The following DLGAP2 variants were observed in gnomAD, a reference collection of about 807,000 sequenced individuals.
DLGAP2 encodes DLG associated protein 2.
A neutral mutation model predicts 100.3 loss-of-function variants in DLGAP2; 26 were observed. The observed-to-expected ratio is 0.26, with a 90% CI of 0.19 to 0.36. The LOEUF (loss-of-function observed/expected upper bound fraction) is 0.36. Ranked by LOEUF, DLGAP2 falls within the 10% of genes least tolerant of loss-of-function variation. The pLI is 1.00. For missense variants in DLGAP2, 1,858 were observed against 1,453.2 expected, an observed-to-expected ratio of 1.28 and a Z score of -4.53; for synonymous variants, 886 against 630.1, an observed-to-expected ratio of 1.41 and a Z score of -6.08.
chr8:1,444,575 A>G (rs13262551), intron 3 of DLGAP2, among the ~76,000 whole-genome samples: 15,995 of 151,936 alleles, frequency 0.11, 1,227 homozygotes, highest in Non-Finnish European at 0.17. Flanking sequence ...CACATTGACA[A>G]TGCTCCGTGA....
At position 1,097,511 on chromosome 8, in the gene DLGAP2, GT is replaced by G. The variant is rs1229300522; in HGVS notation, c.74-161339del. Among the ~76,000 whole-genome samples, 12 of 134,178 alleles carry G rather than the reference GT, an allele frequency of 8.9e-5. 1 individual carries two copies. Among genetic ancestry groups the G allele is most frequent in the Admixed American group, 7.5e-5 (1 of 13,272 alleles). The allele number at this position is 134,178 out of a possible 152,430, so 88.0% of individuals were successfully genotyped here. On this transcript the variant is annotated intron_variant, in intron 2 of 14. Transcript: ENST00000637795. Reference sequence around the variant, plus strand: ...CCTTCACCCTCTGTGGCATGGAGAGGTCCCCTCCAGCGTGAGACCCACCTCC... The same window carrying G: ...CCTTCACCCTCTGTGGCATGGAGAGGCCCCTCCAGCGTGAGACCCACCTCC...
intron 2 of DLGAP2, among the ~76,000 whole-genome samples, chr8:967,684 T>G (rs1375292749): frequency 6.8e-6 from 1 of 147,026 alleles, no homozygotes; most frequent in Non-Finnish European, 1.5e-5. Context: ...AATACCTATG[T>G]ACATTTATTG....
At position 1,048,916 on chromosome 8, in the gene DLGAP2, G is replaced by A. The variant is rs181377660; in HGVS notation, c.73+140950G>A. ...TGATTTCACAACTATATTTAAAACTGCATGAACAGACTCACGGGTAGAAAA... is the reference window on the plus strand; with the variant it reads ...TGATTTCACAACTATATTTAAAACTACATGAACAGACTCACGGGTAGAAAA... On this transcript the variant is annotated intron_variant, in intron 2 of 14. Transcript: ENST00000637795. Among the ~76,000 whole-genome samples the A allele has an allele frequency of 1.0e-3, 158 of 152,266 alleles. 1 individual carries two copies. The highest frequency in any genetic ancestry group is 3.6e-3 in the African/African-American group (148 of 41,542).
chr8:1,372,853 T>C (rs1309894922), intron 3 of DLGAP2, among the ~76,000 whole-genome samples: 1 of 152,222 alleles, frequency 6.6e-6, no homozygotes, highest in Non-Finnish European at 1.5e-5. Context: ...AATGCCAGAA[T>C]TCCTTCAGCT....
At chr8:890,445 C>T (rs985301837) in intron 1 of DLGAP2, among the ~76,000 whole-genome samples, 2 of 152,120 alleles carry the variant, frequency 1.3e-5, no homozygotes, top group African/African-American at 2.4e-5. Flanking sequence ...CCTCTCCAGC[C>T]TGATGGAAGG....
At chr8:1,283,534 C>G (rs1368863658) in intron 3 of DLGAP2, among the ~76,000 whole-genome samples, 2 of 152,246 alleles carry the variant, frequency 1.3e-5, no homozygotes, top group South Asian at 2.1e-4. Context: ...CAGTTCCTTT[C>G]AGCCTTGGCA....
At position 1,428,656 on chromosome 8, in the gene DLGAP2, C is replaced by A. The variant is rs146944661; in HGVS notation, c.107-72710C>A. ...TATACCTAATAAATATGCATGTGCCCATACTTTTAACACAGTGATGGCTCT... is the reference window on the plus strand; with the variant it reads ...TATACCTAATAAATATGCATGTGCCAATACTTTTAACACAGTGATGGCTCT... On this transcript the variant is annotated intron_variant, in intron 3 of 14. Transcript: ENST00000637795. Among the ~76,000 whole-genome samples the A allele has an allele frequency of 6.0e-4, 91 of 152,320 alleles. 1 individual carries two copies. The highest frequency in any genetic ancestry group is 2.2e-3 in the African/African-American group (90 of 41,560).
intron 3 of DLGAP2, among the ~76,000 whole-genome samples, chr8:1,413,078 C>T (rs1323583319): frequency 1.3e-5 from 2 of 152,184 alleles, no homozygotes; most frequent in East Asian, 1.9e-4. Flanking sequence ...AGTGCCATTA[C>T]CTCCTCAGTT....
At chr8:1,276,441 C>T (rs891685229) in intron 3 of DLGAP2, among the ~76,000 whole-genome samples, 5 of 151,970 alleles carry the variant, frequency 3.3e-5, no homozygotes, top group Non-Finnish European at 5.9e-5. Flanking sequence ...GAGTGGGTGC[C>T]GGGGAGGGAA....
At position 1,362,630 on chromosome 8, in the gene DLGAP2, C is replaced by T. The variant is rs576444790; in HGVS notation, c.106+103747C>T. Among the ~76,000 whole-genome samples the T allele has an allele frequency of 6.2e-4, 95 of 152,278 alleles. 2 individuals are homozygous for T. The South Asian group carries it at 0.017, about 27-fold the overall frequency. On this transcript the variant is annotated intron_variant, in intron 3 of 14. Coordinates refer to ENST00000637795, the MANE Select transcript of DLGAP2 (RefSeq NM_001346810.2). ...CCATCTCTCCCCTTAACACCAGCAC[C>T]GTCCTCAGCTTTCTCTGAAAGCATT... is the stretch of plus-strand genomic sequence containing the variant.
chr8:777,960 C>T (rs1321798929), intron 1 of DLGAP2, among the ~76,000 whole-genome samples: 4 of 152,076 alleles, frequency 2.6e-5, no homozygotes, highest in African/African-American at 4.8e-5. Context: ...AACTTGGTTC[C>T]ATTCTCCCCA....
intron 1 of DLGAP2, among the ~76,000 whole-genome samples, chr8:868,987 T>A (rs1797549213): frequency 6.6e-6 from 1 of 152,196 alleles, no homozygotes; most frequent in South Asian, 2.1e-4. Context: ...TGATTACCGT[T>A]TGGTCTAACT....
intron 4 of DLGAP2, among the ~76,000 whole-genome samples, chr8:1,516,635 A>G (rs1246402809): frequency 1.4e-5 from 2 of 144,308 alleles, no homozygotes; most frequent in Non-Finnish European, 1.5e-5. Context: ...GAAGGAGTGA[A>G]TGAGTGAGTG....
chr8:941,212 G>C (rs972512099), intron 2 of DLGAP2, among the ~76,000 whole-genome samples: 1 of 152,160 alleles, frequency 6.6e-6, no homozygotes, highest in East Asian at 1.9e-4. Context: ...GCTGGGCACA[G>C]CTAGTGACCA....
At position 1,707,006 on chromosome 8, in the gene DLGAP2, T is replaced by C. The variant is rs1396123600; in HGVS notation, c.*5600T>C. On this transcript the variant is annotated 3_prime_UTR_variant, in exon 15 of 15. Coordinates refer to ENST00000637795, the MANE Select transcript of DLGAP2 (RefSeq NM_001346810.2). ...TTTTATCCAGTGTTAAAATAAATTATTTCAAGTTTCAATGTAAACACTTAA... is the reference window on the plus strand; with the variant it reads ...TTTTATCCAGTGTTAAAATAAATTACTTCAAGTTTCAATGTAAACACTTAA... The C allele has an allele frequency of 2.6e-5, 4 of 152,772 alleles. No homozygotes were observed. Among genetic ancestry groups the C allele is most frequent in the African/African-American group, 9.6e-5 (4 of 41,584 alleles). The allele number at this position is 152,772 out of a possible 1,614,324, so 9.5% of individuals were successfully genotyped here. A position where few individuals can be genotyped will look rare whatever the true frequency, so the allele number is the denominator to read the frequency against.
intron 2 of DLGAP2, among the ~76,000 whole-genome samples, chr8:978,606 G>T (rs1800234591): frequency 6.7e-6 from 1 of 148,732 alleles, no homozygotes; most frequent in African/African-American, 2.5e-5. Context: ...GCTGGGTTCT[G>T]GTCTTTGGTG....
In DLGAP2 at chr8:1,583,859, G is replaced by A. The variant is rs111966129; in HGVS notation, c.1442+17965G>A. 7.2e-3 allele frequency among the ~76,000 whole-genome samples: 1,098 copies of A among 152,056 alleles called. 11 individuals carry two copies. The highest frequency in any genetic ancestry group is 0.025 in the African/African-American group (1,054 of 41,466). On this transcript the variant is annotated intron_variant, in intron 6 of 14. Transcript: ENST00000637795. The stretch of plus-strand genomic sequence containing the variant: ...TGCAGATCCTTCGTGATCTGCCCCC[G>A]GAAAGCCTTGTTCCCCTGACAATTT...
intron 11 of DLGAP2, among the ~76,000 whole-genome samples, chr8:1,677,941 G>C (rs905599923): frequency 2.0e-5 from 3 of 152,226 alleles, no homozygotes; most frequent in African/African-American, 2.4e-5. Context: ...CAAGAAACAC[G>C]TTAACTCTCA....
chr8:1,534,422 C>T (rs1013088329), intron 4 of DLGAP2, among the ~76,000 whole-genome samples: 15 of 152,258 alleles, frequency 9.9e-5, no homozygotes, highest in Admixed American at 8.5e-4. Context: ...CTTATTTTGC[C>T]TATAAATAAG....
Sources: allele counts gnomAD v4.1 joint callset (sites outside exome capture counted in the v4.1 genomes callset), GRCh38; gene constraint gnomAD v4.1.1; transcripts MANE v1.5; gene names NCBI Gene and HGNC (gene_info 2026-07-23, HGNC 2026-07-21).